Variants in NCK2 observed in about 807,000 individuals in gnomAD.
NCK2 encodes the protein cytoplasmic protein NCK2.
NCK2 carries 16 observed loss-of-function variants against 33.9 expected under a neutral mutation model. That is an observed-to-expected ratio of 0.47 (90% confidence interval 0.32 to 0.72). NCK2 has a LOEUF of 0.72. Ranked by LOEUF, NCK2 falls within the 30% of genes least tolerant of loss-of-function variation. NCK2 has a pLI of 0.03. For missense variants in NCK2, 418 were observed against 537.3 expected (o/e 0.78, Z 2.19); for synonymous variants, 273 against 239.9 (o/e 1.14, Z -1.27).
At chr2:105,811,795 T>G (rs1051984616) in intron 1 of NCK2, among the ~76,000 whole-genome samples, 3 of 152,176 alleles carry the variant, frequency 2.0e-5, no homozygotes, top group Admixed American at 2.0e-4. Context: ...TGGCTCTGGA[T>G]CTCTTCAGCC....
intron 3 of NCK2, among the ~76,000 whole-genome samples, chr2:105,874,459 G>T (rs1678155664): frequency 6.6e-6 from 1 of 152,238 alleles, no homozygotes. Flanking sequence ...AACCCCCACA[G>T]ATCAATAATC....
intron 1 of NCK2, among the ~76,000 whole-genome samples, chr2:105,805,565 C>A (rs1030567471): frequency 3.9e-5 from 6 of 151,920 alleles, no homozygotes; most frequent in Non-Finnish European, 8.8e-5. Flanking sequence ...TACTCATAAC[C>A]AAAATTTTGT....
chr2:105,785,152 G>A (rs1291140694), intron 1 of NCK2, among the ~76,000 whole-genome samples: 1 of 152,104 alleles, frequency 6.6e-6, no homozygotes, highest in Non-Finnish European at 1.5e-5. Context: ...CTAATTTTTT[G>A]TATTTTTAGT....
intron 4 of NCK2, among the ~76,000 whole-genome samples, chr2:105,892,622 G>A: frequency 8.1e-6 from 1 of 123,910 alleles, no homozygotes; most frequent in Admixed American, 8.7e-5. Flanking sequence ...GGGGGGTGGG[G>A]ATCACCTGAG....
At chr2:105,868,718 TTTC>T (rs57691358) in intron 3 of NCK2, among the ~76,000 whole-genome samples, 58 of 152,370 alleles carry the variant, frequency 3.8e-4, no homozygotes, top group African/African-American at 1.3e-3. Flanking sequence ...GGGTTTTCTT[TTTC>T]TTCTTCAAAG....
At chr2:105,877,978 C>T (rs1464148167) in intron 3 of NCK2, among the ~76,000 whole-genome samples, 2 of 152,214 alleles carry the variant, frequency 1.3e-5, no homozygotes, top group Non-Finnish European at 2.9e-5. Flanking sequence ...CTCCAGACAC[C>T]TGCCTCTTGA....
chr2:105,836,472 T>C (rs1160390765), intron 2 of NCK2, among the ~76,000 whole-genome samples: 1 of 152,044 alleles, frequency 6.6e-6, no homozygotes, highest in East Asian at 1.9e-4. Context: ...ACAAGGACAG[T>C]GGGTGGGCTG....
intron 4 of NCK2, among the ~76,000 whole-genome samples, chr2:105,888,571 A>G (rs1458443121): frequency 1.3e-5 from 2 of 152,240 alleles, no homozygotes; most frequent in Admixed American, 1.3e-4. Context: ...ATGATGGCTT[A>G]AAAAGATGTC....
At chr2:105,801,009 C>T (rs548021238) in intron 1 of NCK2, among the ~76,000 whole-genome samples, 7 of 152,148 alleles carry the variant, frequency 4.6e-5, no homozygotes, top group Admixed American at 2.6e-4. Context: ...TTTCTAAACG[C>T]AGAAAAAAGC....
chr2:105,817,686 C>A (rs925418551), intron 2 of NCK2, among the ~76,000 whole-genome samples: 3 of 152,162 alleles, frequency 2.0e-5, no homozygotes, highest in African/African-American at 7.2e-5. Context: ...AAATGCTCAT[C>A]ATCACTGGCC....
intron 1 of NCK2, among the ~76,000 whole-genome samples, chr2:105,751,998 T>A (rs1405003630): frequency 6.6e-6 from 1 of 152,262 alleles, no homozygotes; most frequent in Non-Finnish European, 1.5e-5. Context: ...AAACTCTATG[T>A]GTAATCAACA....
intron 1 of NCK2, among the ~76,000 whole-genome samples, chr2:105,798,854 A>G (rs903611710): frequency 6.6e-6 from 1 of 152,226 alleles, no homozygotes; most frequent in African/African-American, 2.4e-5. Context: ...GCTTCCTCAG[A>G]TGTTAACATC....
At chr2:105,775,084 T>TTCAGACAA (rs1690258502) in intron 1 of NCK2, among the ~76,000 whole-genome samples, 1 of 152,204 alleles carries the variant, frequency 6.6e-6, no homozygotes, top group African/African-American at 2.4e-5. Flanking sequence ...AGTCACACCA[T>TTCAGACAA]GGTGTCTGAA....
intron 1 of NCK2, among the ~76,000 whole-genome samples, chr2:105,753,804 T>C (rs1689525949): frequency 6.6e-6 from 1 of 152,244 alleles, no homozygotes; most frequent in Admixed American, 6.5e-5. Flanking sequence ...CAAATCCTTT[T>C]CCTTTGTGCT....
At position 105,881,604 on chromosome 2, in the gene NCK2, A is replaced by G. The variant is rs776572130; in HGVS notation, c.503A>G (p.Glu168Gly). ...GWFPSNYVLE[E>G]VDEAAAESPS... ...TTCCCCTCCAACTACGTCTTGGAGG[A>G]GGTGGACGAGGCGGCTGCGGAGTCC... is the stretch of plus-strand genomic sequence containing the variant. The change falls in exon 4 of 5, where the codon GAG (glutamate) becomes GGG (glycine). Residue 168 changes from glutamate to glycine, a missense_variant. Coordinates refer to ENST00000233154, the MANE Select transcript of NCK2 (RefSeq NM_003581.5). 1 of 1,613,728 alleles carries G rather than the reference A, an allele frequency of 6.2e-7. No individual in the cohort carries two copies. Among genetic ancestry groups the G allele is most frequent in the Non-Finnish European group, 8.5e-7 (1 of 1,179,980 alleles).
intron 1 of NCK2, among the ~76,000 whole-genome samples, chr2:105,777,102 C>T (rs1690332075): frequency 1.3e-5 from 2 of 152,058 alleles, no homozygotes; most frequent in Admixed American, 6.6e-5. Flanking sequence ...CAGGTGCTCT[C>T]CTCACTGCTG....
intron 3 of NCK2, among the ~76,000 whole-genome samples, chr2:105,873,571 T>A (rs901059515): frequency 1.3e-5 from 2 of 152,164 alleles, no homozygotes; most frequent in African/African-American, 4.8e-5. Context: ...CACCCATATT[T>A]ACCACGTTTT....
In NCK2 at chr2:105,893,319, G is replaced by A. The variant is rs1056158263; in HGVS notation, c.*143G>A. The A allele has an allele frequency of 1.5e-5, 13 of 852,524 alleles. No individual in the cohort carries two copies. Among genetic ancestry groups the A allele is most frequent in the East Asian group, 2.7e-5 (1 of 37,052 alleles). 52.8% of individuals were successfully genotyped at this position (852,524 alleles called of 1,614,324 possible). On this transcript the variant is annotated 3_prime_UTR_variant, in exon 5 of 5. Transcript: ENST00000233154. The stretch of plus-strand genomic sequence containing the variant: ...TATGTTCAGGTCGCTTGGTCGGTTC[G>A]TCTCCCATTTGCCATCCAGGCCTCA...
At chr2:105,868,697 G>A (rs1677858202) in intron 3 of NCK2, among the ~76,000 whole-genome samples, 1 of 152,208 alleles carries the variant, frequency 6.6e-6, no homozygotes, top group Non-Finnish European at 1.5e-5. Context: ...ATCCCCTTGT[G>A]CTTCTACTGT....
Sources: gnomAD v4.1 joint callset for allele counts (sites outside exome capture counted in the v4.1 genomes callset) on GRCh38, gnomAD v4.1.1 for gene constraint, MANE v1.5 for transcripts, NCBI Gene and HGNC (gene_info 2026-07-23, HGNC 2026-07-21) for gene names.